Variants in TIMP3 observed in about 807,000 individuals in gnomAD.
TIMP3 encodes the protein TIMP metallopeptidase inhibitor 3.
TIMP3 carries 11 observed loss-of-function variants against 30.0 expected under a neutral mutation model. The observed-to-expected ratio is 0.37, with a 90% CI of 0.23 to 0.61. The LOEUF is 0.61. Among genes scored for constraint, TIMP3 ranks in the 20% least tolerant of loss-of-function variants. The probability of loss-of-function intolerance (pLI) is 0.70; values close to 1 mark genes in which losing one functional copy is unlikely to be tolerated. For synonymous variants in TIMP3, 112 were observed against 111.3 expected (o/e 1.01, Z -0.04); for missense variants, 181 against 276.8 (o/e 0.65, Z 2.45).
At chr22:32,826,394 A>G (rs1250160284) in intron 1 of TIMP3, among the ~76,000 whole-genome samples, 1 of 152,196 alleles carries the variant, frequency 6.6e-6, no homozygotes, top group Non-Finnish European at 1.5e-5. Context: ...GTGTCACTGC[A>G]CTATAGCTTG....
At chr22:32,856,522 C>G (rs1189472075) in intron 2 of TIMP3, among the ~76,000 whole-genome samples, 2 of 152,008 alleles carry the variant, frequency 1.3e-5, no homozygotes, top group Non-Finnish European at 1.5e-5. Context: ...CTCCTGTGTT[C>G]CTCTTATTTT....
At chr22:32,848,326 T>C (rs1014912438) in intron 1 of TIMP3, among the ~76,000 whole-genome samples, 7 of 152,200 alleles carry the variant, frequency 4.6e-5, no homozygotes, top group African/African-American at 1.4e-4. Flanking sequence ...ATAAGATCTT[T>C]CGTTCAATCC....
intron 1 of TIMP3, among the ~76,000 whole-genome samples, chr22:32,831,444 G>A (rs1480062167): frequency 6.6e-6 from 1 of 152,160 alleles, no homozygotes; most frequent in Non-Finnish European, 1.5e-5. Context: ...CAGATGATCA[G>A]GGCAGCGGGG....
At chr22:32,856,461 G>A (rs542663724) in intron 2 of TIMP3, among the ~76,000 whole-genome samples, 32 of 152,176 alleles carry the variant, frequency 2.1e-4, no homozygotes, top group African/African-American at 7.7e-4. Context: ...ATAGGGGAGC[G>A]AGATTCCCTC....
At chr22:32,857,918 C>A (rs2048417696) in intron 3 of TIMP3, 99 bp from the exon 4 acceptor site, 3 of 1,576,136 alleles carry the variant, frequency 1.9e-6, no homozygotes, top group Admixed American at 3.3e-5. Flanking sequence ...TACCCAGCCA[C>A]AGTGCCTGGG....
intron 1 of TIMP3, among the ~76,000 whole-genome samples, chr22:32,803,964 A>G (rs372709168): frequency 6.6e-6 from 1 of 152,088 alleles, no homozygotes; most frequent in African/African-American, 2.4e-5. Flanking sequence ...CCTGCTTCCA[A>G]TGGGGGCCTT....
At chr22:32,821,648 C>T (rs1294948484) in intron 1 of TIMP3, among the ~76,000 whole-genome samples, 2 of 152,014 alleles carry the variant, frequency 1.3e-5, no homozygotes, top group Non-Finnish European at 2.9e-5. Flanking sequence ...CCCAGAGAAG[C>T]GAAGCCCTTT....
chr22:32,846,496 T>C (rs2048066048), intron 1 of TIMP3, among the ~76,000 whole-genome samples: 1 of 151,978 alleles, frequency 6.6e-6, no homozygotes, highest in Admixed American at 6.6e-5. Context: ...ACACATGAGG[T>C]TTGGGATGGA....
intron 1 of TIMP3, among the ~76,000 whole-genome samples, chr22:32,832,673 G>GGATTT (rs2047610438): frequency 6.6e-6 from 1 of 151,458 alleles, no homozygotes; most frequent in Non-Finnish European, 1.5e-5. Context: ...AAACCCTCGA[G>GGATTT]TATTTTATTT....
rs549853506 is a variant in TIMP3, at chr22:32,837,427, C to G, written c.122-12025C>G. Among the ~76,000 whole-genome samples the G allele has an allele frequency of 3.3e-5, 5 of 152,192 alleles. No individual in the cohort carries two copies. Among genetic ancestry groups the G allele is most frequent in the South Asian group, 4.1e-4 (2 of 4,820 alleles). Reference sequence around the variant, plus strand: ...TGAGCTTTTGAGAGGTCAGCATGCCCCCTTAAACTTGATGTCTCCTCAGAG... The same window carrying G: ...TGAGCTTTTGAGAGGTCAGCATGCCGCCTTAAACTTGATGTCTCCTCAGAG... On this transcript the variant is annotated intron_variant, in intron 1 of 4. Transcript: ENST00000266085. This position sits in a 1 kb window ranked among gnomAD's most constrained non-coding sequence, Gnocchi z 4.1.
chr22:32,862,096 G>A lies in TIMP3; in HGVS notation c.*2719G>A, dbSNP rs1388956957. On this transcript the variant is annotated 3_prime_UTR_variant, in exon 5 of 5. Transcript: ENST00000266085. ...TGGAATCCCAATGGCTCCTGGAGTA[G>A]GAAAAAAGTTTAAACTACATTCATG... The A allele has an allele frequency of 6.6e-6, 1 of 152,398 alleles. No homozygotes were observed. The highest frequency in any genetic ancestry group is 1.9e-4 in the East Asian group (1 of 5,146). 9.4% of individuals were successfully genotyped at this position (152,398 alleles called of 1,614,324 possible).
At chr22:32,840,184 AGT>A (rs2047853350) in intron 1 of TIMP3, among the ~76,000 whole-genome samples, 1 of 152,106 alleles carries the variant, frequency 6.6e-6, no homozygotes, top group South Asian at 2.1e-4. Context: ...AGATTTTCTG[AGT>A]GTGTGTCTTT....
chr22:32,825,657 CAAAAAAAAAAAAAAAAAAAAAAAAAAAA>C (rs130292), intron 1 of TIMP3, among the ~76,000 whole-genome samples: 92 of 28,562 alleles, frequency 3.2e-3, no homozygotes, highest in Non-Finnish European at 8.0e-4. Flanking sequence ...GTTTCCATCT[CAAAAAAAAAAAAAAAAAAAAAAAAAAAA>C]AAAAAAAAAA....
At chr22:32,807,394 A>ATATATT in intron 1 of TIMP3, among the ~76,000 whole-genome samples, 1 of 100,598 alleles carries the variant, frequency 9.9e-6, no homozygotes, top group African/African-American at 3.9e-5. Context: ...TATTATATAT[A>ATATATT]ATATATATAT....
intron 1 of TIMP3, among the ~76,000 whole-genome samples, chr22:32,822,264 G>A (rs2047271514): frequency 6.6e-6 from 1 of 152,138 alleles, no homozygotes; most frequent in East Asian, 1.9e-4. Flanking sequence ...CTGTCTCTGG[G>A]TATGTTCACA....
intron 1 of TIMP3, among the ~76,000 whole-genome samples, chr22:32,805,238 TG>T (rs930765544): frequency 5.3e-5 from 8 of 152,100 alleles, no homozygotes; most frequent in African/African-American, 1.9e-4. Context: ...GAGGCTCAGC[TG>T]GGGGGCCGGC....
intron 1 of TIMP3, among the ~76,000 whole-genome samples, chr22:32,809,790 G>T (rs1437197384): frequency 6.6e-6 from 1 of 152,218 alleles, no homozygotes; most frequent in Non-Finnish European, 1.5e-5. Flanking sequence ...TGCATTGTCG[G>T]ATTTGGGTTG....
rs1176447301 is a variant in TIMP3, at chr22:32,802,424, C to T, written c.121+302C>T. Among the ~76,000 whole-genome samples the T allele has an allele frequency of 9.2e-5, 14 of 151,760 alleles. No homozygotes were observed. In the South Asian group the frequency reaches 2.7e-3, roughly 29 times the overall value. ...ATCTGGAAAATGTCCCCATTCACTA[C>T]TAACGGAGGAAGGGCTAGAAGAGAA... On this transcript the variant is annotated intron_variant, in intron 1 of 4. Coordinates refer to ENST00000266085, the MANE Select transcript of TIMP3 (RefSeq NM_000362.5).
intron 1 of TIMP3, among the ~76,000 whole-genome samples, chr22:32,807,906 G>C (rs2046808947): frequency 6.6e-6 from 1 of 152,096 alleles, no homozygotes; most frequent in Non-Finnish European, 1.5e-5. Context: ...AGAGCCCTGT[G>C]CTTAAGAGAC....
Sources: gnomAD v4.1 joint callset for allele counts (sites outside exome capture counted in the v4.1 genomes callset) on GRCh38, gnomAD v4.1.1 for gene constraint, Gnocchi (gnomAD v3.1) non-coding constraint, MANE v1.5 for transcripts, NCBI Gene and HGNC (gene_info 2026-07-23, HGNC 2026-07-21) for gene names.